COMMD7: variants seen among roughly 807,000 people sequenced by gnomAD.
The protein encoded by COMMD7 is COMM domain containing 7.
A neutral mutation model predicts 34.8 loss-of-function variants in COMMD7; 28 were observed. The ratio of observed to expected loss-of-function variants is 0.80; its 90% CI spans 0.60 to 1.10. COMMD7 has a LOEUF of 1.10. Ranked by LOEUF, COMMD7 falls within the 50% of genes least tolerant of loss-of-function variation. COMMD7 has a pLI of 0.00. For synonymous variants in COMMD7, 80 were observed against 86.4 expected, an observed-to-expected ratio of 0.93 and a Z score of 0.41; for missense variants, 211 against 241.6, an observed-to-expected ratio of 0.87 and a Z score of 0.84.
At chr20:32,714,975 A>C (rs1486451752) in intron 3 of COMMD7, among the ~76,000 whole-genome samples, 1 of 151,932 alleles carries the variant, frequency 6.6e-6, no homozygotes, top group South Asian at 2.1e-4. Flanking sequence ...GCACCACTGC[A>C]CTCCAGCCTG....
intron 5 of COMMD7, among the ~76,000 whole-genome samples, chr20:32,706,287 G>T (rs1346608821): frequency 6.6e-6 from 1 of 151,786 alleles, no homozygotes; most frequent in African/African-American, 2.4e-5. Flanking sequence ...GCCAAGGTGG[G>T]TGGATCACAA....
In COMMD7 at chr20:32,704,496, C is replaced by CAAAAA; in HGVS notation, c.428-12_428-8dup. 1.4e-6 allele frequency: 2 copies of CAAAAA among 1,404,510 alleles called. No individual in the cohort carries two copies. Among genetic ancestry groups the CAAAAA allele is most frequent in the Admixed American group, 2.5e-5 (1 of 39,520 alleles). 87.0% of individuals were successfully genotyped at this position (1,404,510 alleles called of 1,614,324 possible). On this transcript the variant is annotated splice_polypyrimidine_tract_variant and splice_region_variant and intron_variant, in intron 6 of 8. Transcript: ENST00000278980. ...TCGCTGCTCCCAGATGTCACTGTGA[C>CAAAAA]AAAAAAAAAAAAAAAGAGAGAGAGA...
intron 6 of COMMD7, 41 bp from the exon 7 acceptor site, chr20:32,704,530 TAAC>T: frequency 6.4e-7 from 1 of 1,567,992 alleles, no homozygotes; most frequent in Non-Finnish European, 8.6e-7. Context: ...GAGAGAGAAA[TAAC>T]AAGTGACTGA....
chr20:32,729,249 A>G (rs1400923560), intron 1 of COMMD7, among the ~76,000 whole-genome samples: 3 of 150,096 alleles, frequency 2.0e-5, no homozygotes, highest in Non-Finnish European at 4.4e-5. Context: ...GCTCACTGCA[A>G]CCTCCACCTT....
Position 32,703,337 on chromosome 20 carries a change from G to T in COMMD7, c.*45C>A. The T allele has an allele frequency of 6.4e-7, 1 of 1,561,252 alleles. No homozygotes were observed. Among genetic ancestry groups the T allele is most frequent in the South Asian group, 1.1e-5 (1 of 88,172 alleles). On this transcript the variant is annotated 3_prime_UTR_variant, in exon 9 of 9. Coordinates refer to ENST00000278980, the MANE Select transcript of COMMD7 (RefSeq NM_053041.3). Reference sequence around the variant, plus strand: ...CTCTCAGAGCAGTCACCCAGGGAAGGGAGGAGGGCAGGGAACGGGGCCAGG... The same window carrying T: ...CTCTCAGAGCAGTCACCCAGGGAAGTGAGGAGGGCAGGGAACGGGGCCAGG...
In COMMD7 at chr20:32,728,145, G is replaced by T. The variant is rs751203739; in HGVS notation, c.85-3C>A. 1 of 1,614,020 alleles carries T rather than the reference G, an allele frequency of 6.2e-7. No homozygotes were observed. On this transcript the variant is annotated splice_polypyrimidine_tract_variant and splice_region_variant and intron_variant, in intron 1 of 8. Coordinates refer to ENST00000278980, the MANE Select transcript of COMMD7 (RefSeq NM_053041.3). ...ACCTCTGTCAGGGCTGAGAACTGCTGTGAAGAAAACAACACAGAACATCAG... is the reference window on the plus strand; with the variant it reads ...ACCTCTGTCAGGGCTGAGAACTGCTTTGAAGAAAACAACACAGAACATCAG...
intron 1 of COMMD7, among the ~76,000 whole-genome samples, chr20:32,734,642 A>G (rs1288369069): frequency 1.4e-4 from 21 of 151,844 alleles, no homozygotes; most frequent in Admixed American, 1.3e-3. Context: ...AAAAATAAAA[A>G]TAAGGCCAGG....
intron 3 of COMMD7, among the ~76,000 whole-genome samples, chr20:32,725,258 G>A (rs66718728): frequency 0.12 from 18,136 of 151,954 alleles, 1,517 homozygotes; most frequent in East Asian, 0.29. Flanking sequence ...CACTTTTTAT[G>A]GTTTGCTACC....
intron 3 of COMMD7, among the ~76,000 whole-genome samples, chr20:32,713,415 A>G (rs1430852747): frequency 2.0e-5 from 3 of 152,260 alleles, no homozygotes; most frequent in Non-Finnish European, 4.4e-5. Context: ...AACAATATGA[A>G]GGACAAAACA....
At chr20:32,724,368 C>T (rs1450649175) in intron 3 of COMMD7, among the ~76,000 whole-genome samples, 4 of 17,308 alleles carry the variant, frequency 2.3e-4, no homozygotes, top group African/African-American at 7.8e-4. Flanking sequence ...AGGTGAGGGG[C>T]GCCTCTGCCC....
In COMMD7 at chr20:32,703,898, A is replaced by C. The variant is rs868142439; in HGVS notation, c.526+125T>G. 4 of 1,562,582 alleles carry C rather than the reference A, an allele frequency of 2.6e-6. No individual in the cohort carries two copies. In the African/African-American group the frequency reaches 5.4e-5, roughly 21 times the overall value. On this transcript the variant is annotated intron_variant, in intron 8 of 8. Coordinates refer to ENST00000278980, the MANE Select transcript of COMMD7 (RefSeq NM_053041.3). ...CTTTCAGGAGAGGAAAGGCAGTGGAACAGCTACTCCACAGCTGGCAATGAC... is the reference window on the plus strand; with the variant it reads ...CTTTCAGGAGAGGAAAGGCAGTGGACCAGCTACTCCACAGCTGGCAATGAC...
intron 1 of COMMD7, among the ~76,000 whole-genome samples, chr20:32,733,197 A>G (rs963625472): frequency 6.6e-6 from 1 of 152,138 alleles, no homozygotes; most frequent in East Asian, 1.9e-4. Flanking sequence ...CCTGGGCAAC[A>G]GAGTAAGACT....
At chr20:32,717,033 G>C (rs367958956) in intron 3 of COMMD7, among the ~76,000 whole-genome samples, 1 of 152,172 alleles carries the variant, frequency 6.6e-6, no homozygotes, top group East Asian at 1.9e-4. Context: ...TGGTTTCACC[G>C]TATCAGCCAG....
chr20:32,707,866 T>G (rs935078876), intron 3 of COMMD7, among the ~76,000 whole-genome samples: 1 of 152,020 alleles, frequency 6.6e-6, no homozygotes, highest in Non-Finnish European at 1.5e-5. Flanking sequence ...ATGCAAATTT[T>G]AATTAAATAA....
intron 1 of COMMD7, among the ~76,000 whole-genome samples, chr20:32,734,927 A>G (rs1450776249): frequency 6.8e-6 from 1 of 146,312 alleles, no homozygotes; most frequent in Non-Finnish European, 1.5e-5. Flanking sequence ...CCATCTCAAA[A>G]ATAAAATAAA....
At chr20:32,713,049 C>A (rs1387679064) in intron 3 of COMMD7, among the ~76,000 whole-genome samples, 1 of 134,400 alleles carries the variant, frequency 7.4e-6, no homozygotes, top group African/African-American at 2.7e-5. Context: ...TTTTTAATTT[C>A]TTTTTTTTTT....
chr20:32,738,008 G>A (rs1986240693), intron 1 of COMMD7, among the ~76,000 whole-genome samples: 1 of 151,314 alleles, frequency 6.6e-6, no homozygotes, highest in Non-Finnish European at 1.5e-5. Flanking sequence ...TCTCCAAATG[G>A]ATATCTTCCA....
intron 1 of COMMD7, among the ~76,000 whole-genome samples, 183 bp from the exon 2 acceptor site, chr20:32,728,325 C>T (rs538579925): frequency 6.6e-6 from 1 of 152,042 alleles, no homozygotes; most frequent in East Asian, 1.9e-4. Context: ...ATACCTGTGT[C>T]GCTACATCAT....
rs113053871 is a variant in COMMD7, at chr20:32,721,091, G to A, written c.241+6802C>T. 4.4e-3 allele frequency among the ~76,000 whole-genome samples: 673 copies of A among 152,312 alleles called. 3 individuals are homozygous for A. Among genetic ancestry groups the A allele is most frequent in the African/African-American group, 0.015 (638 of 41,558 alleles). On this transcript the variant is annotated intron_variant, in intron 3 of 8. Coordinates refer to ENST00000278980, the MANE Select transcript of COMMD7 (RefSeq NM_053041.3). ...AAAAAACATATCTCAGATGCTGGAA[G>A]GGGAGGTTACTGTGAACTCAAGCGA...
Sources: allele counts gnomAD v4.1 joint callset (sites outside exome capture counted in the v4.1 genomes callset), GRCh38; gene constraint gnomAD v4.1.1; transcripts MANE v1.5; gene names NCBI Gene and HGNC (gene_info 2026-07-23, HGNC 2026-07-21).